Variants in CRB1 observed in about 807,000 individuals in gnomAD.
The protein encoded by CRB1 is protein crumbs homolog 1.
Under a neutral mutation model 120.0 loss-of-function variants are expected in CRB1, and 83 were observed. That is an observed-to-expected ratio of 0.69 (90% CI 0.58 to 0.83). The LOEUF is 0.83. Among genes scored for constraint, CRB1 ranks in the 40% least tolerant of loss-of-function variants. The pLI is 0.00. For synonymous variants in CRB1, 625 were observed against 612.5 expected (o/e 1.02, Z -0.30); for missense variants, 1,699 against 1,687.6 (o/e 1.01, Z -0.12).
At chr1:197,256,608 T>A in the CRB1 span, among the ~76,000 whole-genome samples, 1 of 152,086 alleles carries the variant, frequency 6.6e-6, no homozygotes, top group Non-Finnish European at 1.5e-5. Flanking sequence ...GGAGTAAAGC[T>A]ACGTGGCATG....
chr1:197,359,396 G>T (rs1486465484), intron 5 of CRB1, among the ~76,000 whole-genome samples: 1 of 151,702 alleles, frequency 6.6e-6, no homozygotes, highest in African/African-American at 2.4e-5. Context: ...ATTTATTGAG[G>T]TTGTGTGTAT....
the CRB1 span, among the ~76,000 whole-genome samples, chr1:197,231,575 G>T: frequency 6.6e-6 from 1 of 152,146 alleles, no homozygotes; most frequent in Non-Finnish European, 1.5e-5. Flanking sequence ...AATGAAATTT[G>T]TAGTATGAAG....
At chr1:197,352,636 G>C (rs1380230770) in intron 4 of CRB1, among the ~76,000 whole-genome samples, 1 of 151,110 alleles carries the variant, frequency 6.6e-6, no homozygotes, top group Non-Finnish European at 1.5e-5. Context: ...GTTGCGGGGG[G>C]TCACTACAAA....
intron 1 of CRB1, among the ~76,000 whole-genome samples, chr1:197,277,083 T>A (rs1296352194): frequency 2.6e-5 from 4 of 152,004 alleles, no homozygotes; most frequent in East Asian, 1.9e-4. Context: ...ACACTACAAA[T>A]CAGTGTTTGG....
rs74134803 is a variant in CRB1 at position 197,414,412 on chromosome 1, G to A, written c.1172-6588G>A. ...TATTAATTCTAAATATAAAGTCTAC[G>A]TTCCTTTTATCCATTAATATGATTT... On this transcript the variant is annotated intron_variant, in intron 5 of 11. Transcript: ENST00000367400. 6.0e-3 allele frequency among the ~76,000 whole-genome samples: 915 copies of A among 151,954 alleles called. 4 individuals carry two copies. The highest frequency in any genetic ancestry group is 0.021 in the African/African-American group (855 of 41,448).
upstream of CRB1, among the ~76,000 whole-genome samples, chr1:197,265,493 A>G (rs1005009651): frequency 7.3e-5 from 11 of 150,128 alleles, no homozygotes; most frequent in Admixed American, 2.7e-4. Context: ...GTCTACCTCA[A>G]TTGGTTATTT....
intron 11 of CRB1, among the ~76,000 whole-genome samples, chr1:197,447,945 T>C (rs559779825): frequency 6.6e-6 from 1 of 152,186 alleles, no homozygotes; most frequent in Non-Finnish European, 1.5e-5. Flanking sequence ...ATATATTCCC[T>C]ATTGCTATCT....
the CRB1 span, among the ~76,000 whole-genome samples, chr1:197,231,529 C>A: frequency 6.6e-6 from 1 of 152,108 alleles, no homozygotes; most frequent in South Asian, 2.1e-4. Flanking sequence ...GATACCCTGG[C>A]AAGGACCCTA....
intron 11 of CRB1, among the ~76,000 whole-genome samples, chr1:197,461,158 T>A (rs1021387602): frequency 6.6e-6 from 1 of 152,148 alleles, no homozygotes; most frequent in South Asian, 2.1e-4. Context: ...TCTCAAATTA[T>A]AGATACCAAT....
Position 197,421,605 on chromosome 1 carries a change from G to A in CRB1, c.1777G>A (p.Ala593Thr), listed in dbSNP as rs754610149. The A allele has an allele frequency of 1.4e-5, 23 of 1,614,022 alleles. No homozygotes were observed. Among genetic ancestry groups the A allele is most frequent in the South Asian group, 6.6e-5 (6 of 91,086 alleles). ...CGACTCCTGTAAGGAGAAATGCATC[G>A]CGAAAGCTCCTACTCCACTTGAAAG... ...IDDSCKEKCI[A>T]KAPTPLESDQ... The change falls in exon 6 of 12, where the codon GCG becomes ACG. Residue 593 changes from alanine to threonine, a missense_variant. Ala to Thr is a moderately conservative substitution (Grantham distance 58, BLOSUM62 0). Coordinates refer to ENST00000367400, the MANE Select transcript of CRB1 (RefSeq NM_201253.3).
At chr1:197,214,391 A>C in the CRB1 span, among the ~76,000 whole-genome samples, 1 of 152,130 alleles carries the variant, frequency 6.6e-6, no homozygotes, top group Admixed American at 6.5e-5. Context: ...AAGAGTATTC[A>C]TGAGATGCAA....
chr1:197,390,555 A>T (rs563556054), intron 5 of CRB1, among the ~76,000 whole-genome samples: 1 of 152,046 alleles, frequency 6.6e-6, no homozygotes, highest in Non-Finnish European at 1.5e-5. Context: ...CAGGGCTCCA[A>T]GGTTTGACCC....
At chr1:197,300,334 G>A (rs1656791606) in intron 1 of CRB1, among the ~76,000 whole-genome samples, 1 of 151,918 alleles carries the variant, frequency 6.6e-6, no homozygotes. Flanking sequence ...AAAAGTTCTT[G>A]AAGAAGGTTA....
intron 4 of CRB1, among the ~76,000 whole-genome samples, chr1:197,356,259 A>G (rs962066734): frequency 6.6e-6 from 1 of 152,232 alleles, no homozygotes; most frequent in African/African-American, 2.4e-5. Flanking sequence ...TCAAGTAGAG[A>G]ACTTTCATTG....
At chr1:197,267,726 A>T (rs1282774535), upstream of CRB1, among the ~76,000 whole-genome samples, 1 of 152,262 alleles carries the variant, frequency 6.6e-6, no homozygotes, top group Non-Finnish European at 1.5e-5. Flanking sequence ...TTCATCAATT[A>T]TAGTAAAACA....
intron 5 of CRB1, among the ~76,000 whole-genome samples, chr1:197,375,993 T>A (rs146814030): frequency 1.9e-4 from 29 of 152,330 alleles, no homozygotes; most frequent in African/African-American, 6.5e-4. Flanking sequence ...AATCTAAAAC[T>A]TAATTTTAAG....
At chr1:197,211,247 T>C in the CRB1 span, among the ~76,000 whole-genome samples, 21 of 152,262 alleles carry the variant, frequency 1.4e-4, no homozygotes, top group East Asian at 3.7e-3. Context: ...AAACCACAGG[T>C]TGGATTTGGC....
chr1:197,405,784 G>A (rs945506696), intron 5 of CRB1, among the ~76,000 whole-genome samples: 32 of 151,706 alleles, frequency 2.1e-4, no homozygotes, highest in African/African-American at 7.5e-4. Flanking sequence ...TGAGAAGTGA[G>A]GAGCCCCTCC....
chr1:197,287,112 C>T (rs559173882), intron 1 of CRB1, among the ~76,000 whole-genome samples: 2 of 151,634 alleles, frequency 1.3e-5, no homozygotes, highest in Non-Finnish European at 2.9e-5. Flanking sequence ...AAAATGAGTA[C>T]GTGGAATATG....
Sources: allele counts gnomAD v4.1 joint callset (sites outside exome capture counted in the v4.1 genomes callset), GRCh38; gene constraint gnomAD v4.1.1; transcripts MANE v1.5; gene names NCBI Gene and HGNC (gene_info 2026-07-23, HGNC 2026-07-21).